Variants in PCBD2 observed in about 807,000 individuals in gnomAD.
The protein encoded by PCBD2 is pterin-4-alpha-carbinolamine dehydratase 2.
Under a neutral mutation model 16.4 loss-of-function variants are expected in PCBD2, and 12 were observed. That is an observed-to-expected ratio of 0.73 (90% CI 0.47 to 1.19). The LOEUF (loss-of-function observed/expected upper bound fraction) is 1.19, where lower values mean the gene tolerates loss of function less well. PCBD2 is among the 50% of genes most tolerant of loss of function. The probability of loss-of-function intolerance (pLI) is 0.00; values close to 1 mark genes in which losing one functional copy is unlikely to be tolerated. For missense variants in PCBD2, 138 were observed against 156.8 expected (o/e 0.88, Z 0.64); for synonymous variants, 58 against 61.8 (o/e 0.94, Z 0.29).
chr5:134,957,492 T>C (rs935195911), intron 2 of PCBD2, among the ~76,000 whole-genome samples: 1 of 152,180 alleles, frequency 6.6e-6, no homozygotes, highest in Admixed American at 6.5e-5. Flanking sequence ...GTTAACTCTA[T>C]GTTTGAATAA....
chr5:134,951,420 C>T (rs141309695), intron 2 of PCBD2, among the ~76,000 whole-genome samples: 9 of 152,090 alleles, frequency 5.9e-5, no homozygotes, highest in African/African-American at 1.7e-4. Flanking sequence ...CTAATCAGTT[C>T]CCTGTTGATG....
At chr5:134,939,724 A>C (rs1751202359) in intron 2 of PCBD2, among the ~76,000 whole-genome samples, 1 of 152,196 alleles carries the variant, frequency 6.6e-6, no homozygotes, top group Non-Finnish European at 1.5e-5. Context: ...TCTGCCTCAC[A>C]GTATATGAAA....
At chr5:134,905,706 T>A (rs1750678744) in intron 1 of PCBD2, 1 of 153,688 alleles carries the variant, frequency 6.5e-6, no homozygotes, top group Non-Finnish European at 1.4e-5. Flanking sequence ...GACTTTTCTT[T>A]CCTTTTCCAA....
intron 2 of PCBD2, among the ~76,000 whole-genome samples, chr5:134,915,738 G>A (rs142713465): frequency 2.7e-3 from 412 of 152,096 alleles, no homozygotes; most frequent in African/African-American, 9.3e-3. Flanking sequence ...GGCATGAGCC[G>A]CTGCACCAGG....
chr5:134,954,485 C>T (rs1751393058), intron 2 of PCBD2, among the ~76,000 whole-genome samples: 1 of 152,092 alleles, frequency 6.6e-6, no homozygotes, highest in Non-Finnish European at 1.5e-5. Context: ...CTGCTAATAC[C>T]TTTGGTATAG....
chr5:134,905,598 G>A (rs1750676989), intron 1 of PCBD2: 2 of 188,140 alleles, frequency 1.1e-5, no homozygotes, highest in African/African-American at 2.3e-5. Flanking sequence ...TGCGGGCCTG[G>A]CTCCCTATGG....
chr5:134,958,948 C>G lies in PCBD2; in HGVS notation c.217-92C>G. On this transcript the variant is annotated intron_variant, in intron 2 of 3. Transcript: ENST00000254908. Reference sequence around the variant, plus strand: ...CACAGGCTTCCCTAAGGATCCTTGCCTGCCTTTATGTGGTTGGATTGCTCT... The same window carrying G: ...CACAGGCTTCCCTAAGGATCCTTGCGTGCCTTTATGTGGTTGGATTGCTCT... The G allele has an allele frequency of 3.2e-6, 3 of 941,680 alleles. 1 individual carries two copies. The highest frequency in any genetic ancestry group is 4.9e-6 in the Non-Finnish European group (3 of 607,056). The allele number at this position is 941,680 out of a possible 1,614,324, so 58.3% of individuals were successfully genotyped here. A position where few individuals can be genotyped will look rare whatever the true frequency, so the allele number is the denominator to read the frequency against.
At chr5:134,951,354 C>T (rs146567492) in intron 2 of PCBD2, among the ~76,000 whole-genome samples, 1 of 152,010 alleles carries the variant, frequency 6.6e-6, no homozygotes, top group Non-Finnish European at 1.5e-5. Context: ...AAATGGTTTC[C>T]TTGTTCTGCT....
At chr5:134,916,268 C>T (rs1255359595) in intron 2 of PCBD2, among the ~76,000 whole-genome samples, 2 of 151,922 alleles carry the variant, frequency 1.3e-5, no homozygotes, top group South Asian at 4.1e-4. Flanking sequence ...CCAGGCTGAG[C>T]GAAAGTGTGA....
chr5:134,905,168 C>G lies in PCBD2; in HGVS notation c.29C>G (p.Ala10Gly). 8.2e-7 allele frequency: 1 copy of G among 1,222,776 alleles called. No homozygotes were observed. The highest frequency in any genetic ancestry group is 4.3e-5 in the Admixed American group (1 of 23,336). The allele number at this position is 1,222,776 out of a possible 1,614,324, so 75.7% of individuals were successfully genotyped here. Residue 10 changes from alanine to glycine, a missense_variant, in exon 1 of 4, where the codon GCG (alanine) becomes GGG (glycine). By Grantham distance (60) the Ala-to-Gly change is moderately conservative (BLOSUM62 0). Transcript: ENST00000254908. ...GCGGCGGTGCTCGGGGCGCTCGGGG[C>G]GACGCGGCGCTTGTTGGCGGCGCTG... MAAVLGALG[A>G]TRRLLAALRG...
At chr5:134,953,325 A>T (rs1032513623) in intron 2 of PCBD2, among the ~76,000 whole-genome samples, 1 of 149,940 alleles carries the variant, frequency 6.7e-6, no homozygotes. Flanking sequence ...GGATACTATT[A>T]TAACTATATA....
intron 2 of PCBD2, among the ~76,000 whole-genome samples, chr5:134,938,576 A>C (rs1239058086): frequency 1.3e-5 from 2 of 152,158 alleles, no homozygotes; most frequent in African/African-American, 2.4e-5. Flanking sequence ...ACACAGGATT[A>C]GAGTTTGGAT....
At chr5:134,915,745 C>G (rs940808490) in intron 2 of PCBD2, among the ~76,000 whole-genome samples, 4 of 152,062 alleles carry the variant, frequency 2.6e-5, no homozygotes, top group African/African-American at 4.8e-5. Context: ...GCCGCTGCAC[C>G]AGGCCTCTAA....
intron 2 of PCBD2, among the ~76,000 whole-genome samples, chr5:134,943,607 T>C (rs557097876): frequency 5.9e-5 from 9 of 152,326 alleles, no homozygotes; most frequent in African/African-American, 2.2e-4. Context: ...CTCCAGGTTG[T>C]GACAGAAATG....
chr5:134,906,013 C>G (rs1047209589), intron 1 of PCBD2, among the ~76,000 whole-genome samples: 4 of 151,546 alleles, frequency 2.6e-5, no homozygotes, highest in African/African-American at 9.7e-5. Flanking sequence ...GCTGCGATTA[C>G]AGGCGCGTGC....
chr5:134,917,314 C>A (rs191126480), intron 2 of PCBD2, among the ~76,000 whole-genome samples: 1 of 152,242 alleles, frequency 6.6e-6, no homozygotes, highest in Non-Finnish European at 1.5e-5. Context: ...CTTTCTGCCC[C>A]CCAGAAGGCT....
At chr5:134,951,646 A>G (rs2149539797) in intron 2 of PCBD2, among the ~76,000 whole-genome samples, 1 of 152,356 alleles carries the variant, frequency 6.6e-6, no homozygotes. Flanking sequence ...CTTTTCTTCT[A>G]TATCCTCACC....
At chr5:134,950,454 A>C (rs1410288080) in intron 2 of PCBD2, among the ~76,000 whole-genome samples, 3 of 152,208 alleles carry the variant, frequency 2.0e-5, no homozygotes, top group African/African-American at 7.2e-5. Flanking sequence ...CTGAAGCTGT[A>C]TTTTAAATTC....
intron 2 of PCBD2, among the ~76,000 whole-genome samples, chr5:134,931,443 G>A (rs1751094486): frequency 6.6e-6 from 1 of 152,164 alleles, no homozygotes; most frequent in Admixed American, 6.5e-5. Flanking sequence ...GTGTTTGAGT[G>A]TCTATTGGGT....
Sources: gnomAD v4.1 joint callset for allele counts (sites outside exome capture counted in the v4.1 genomes callset) on GRCh38, gnomAD v4.1.1 for gene constraint, MANE v1.5 for transcripts, NCBI Gene and HGNC (gene_info 2026-07-23, HGNC 2026-07-21) for gene names.